The following ABCB4 variants were observed in gnomAD, a reference collection of about 807,000 sequenced individuals.
ABCB4 encodes ATP binding cassette subfamily B member 4, also known as phosphatidylcholine translocator ABCB4.
Under a neutral mutation model 145.7 loss-of-function variants are expected in ABCB4, and 76 were observed. The ratio of observed to expected loss-of-function variants is 0.52; its 90% CI spans 0.43 to 0.63. The LOEUF (loss-of-function observed/expected upper bound fraction) is 0.63. ABCB4 is among the 30% of genes least tolerant of loss of function. ABCB4 has a pLI of 0.00. For synonymous variants in ABCB4, 517 were observed against 566.8 expected (o/e 0.91, Z 1.25); for missense variants, 1,234 against 1,553.1 (o/e 0.79, Z 3.45).
intron 1 of ABCB4, 64 bp from the exon 2 acceptor site, chr7:87,475,535 C>G: frequency 6.5e-7 from 1 of 1,532,404 alleles, no homozygotes; most frequent in Non-Finnish European, 9.0e-7. Context: ...GCACGAGTCG[C>G]GGGGCCCGGG....
At chr7:87,431,342 A>C in intron 15 of ABCB4, 62 bp downstream of exon 15, 4 of 1,601,948 alleles carry the variant, frequency 2.5e-6, no homozygotes, top group Non-Finnish European at 3.4e-6. Flanking sequence ...ATCATATTTT[A>C]ATATTTAAAG....
At chr7:87,443,512 A>G in intron 11 of ABCB4, 68 bp from the exon 12 acceptor site, 1 of 1,603,784 alleles carries the variant, frequency 6.2e-7, no homozygotes, top group Non-Finnish European at 8.5e-7. Context: ...AATTCGATTC[A>G]GTTTGAAATT....
At chr7:87,441,283 A>G (rs1465121551) in intron 12 of ABCB4, among the ~76,000 whole-genome samples, 1 of 152,232 alleles carries the variant, frequency 6.6e-6, no homozygotes, top group Non-Finnish European at 1.5e-5. Context: ...CATTGTCAAC[A>G]GGAATATATA....
At chr7:87,471,811 C>G (rs45502399) in intron 3 of ABCB4, among the ~76,000 whole-genome samples, 3,625 of 152,262 alleles carry the variant, frequency 0.024, 142 homozygotes, top group African/African-American at 0.083. Flanking sequence ...AACAGAAAAG[C>G]ACCGAAAACT....
intron 14 of ABCB4, among the ~76,000 whole-genome samples, chr7:87,435,413 G>A (rs1482304451): frequency 6.6e-6 from 1 of 152,162 alleles, no homozygotes; most frequent in Non-Finnish European, 1.5e-5. Flanking sequence ...CCTGTAACTT[G>A]TTTTGACAAA....
At chr7:87,462,370 C>A (rs1562998036) in intron 4 of ABCB4, among the ~76,000 whole-genome samples, 1 of 152,110 alleles carries the variant, frequency 6.6e-6, no homozygotes, top group Non-Finnish European at 1.5e-5. Flanking sequence ...GATCTACAAG[C>A]TAAACACAGC....
At chr7:87,452,624 C>T (rs917266617) in intron 6 of ABCB4, 21 of 369,566 alleles carry the variant, frequency 5.7e-5, no homozygotes. Flanking sequence ...TAAATTAATT[C>T]AATCATCTAT....
chr7:87,425,274 C>T (rs1030715982), intron 16 of ABCB4, among the ~76,000 whole-genome samples: 3 of 152,054 alleles, frequency 2.0e-5, no homozygotes, highest in Non-Finnish European at 2.9e-5. Context: ...CTTCAAGAGA[C>T]GTGCTCCTAT....
intron 23 of ABCB4, among the ~76,000 whole-genome samples, chr7:87,409,680 C>G (rs1306366616): frequency 2.0e-5 from 3 of 152,130 alleles, no homozygotes; most frequent in African/African-American, 7.2e-5. Context: ...TTTTTACTTT[C>G]AAGAAGAGGC....
the ABCB4 span, among the ~76,000 whole-genome samples, chr7:87,383,398 A>C: frequency 6.6e-6 from 1 of 152,162 alleles, no homozygotes; most frequent in African/African-American, 2.4e-5. Flanking sequence ...TCACTTAACA[A>C]AAAGTTATCC....
intron 3 of ABCB4, among the ~76,000 whole-genome samples, chr7:87,471,814 C>T (rs1268663301): frequency 2.0e-5 from 3 of 152,100 alleles, no homozygotes; most frequent in Non-Finnish European, 4.4e-5. Flanking sequence ...AGAAAAGCAC[C>T]GAAAACTGTT....
chr7:87,465,901 G>A (rs1341367958), intron 3 of ABCB4, among the ~76,000 whole-genome samples: 5 of 152,116 alleles, frequency 3.3e-5, no homozygotes, highest in Admixed American at 1.3e-4. Context: ...CCATCTGTAC[G>A]TCACCATCAT....
chr7:87,461,434 A>G (rs1284390321), intron 4 of ABCB4, among the ~76,000 whole-genome samples: 1 of 152,224 alleles, frequency 6.6e-6, no homozygotes, highest in Non-Finnish European at 1.5e-5. Flanking sequence ...CAGAAAGACC[A>G]GCAGTGTAAC....
the ABCB4 span, among the ~76,000 whole-genome samples, chr7:87,394,030 A>C: frequency 6.6e-6 from 1 of 152,206 alleles, no homozygotes; most frequent in Non-Finnish European, 1.5e-5. Flanking sequence ...CAAATCTACT[A>C]TACAAAGTTG....
chr7:87,405,334 G>A (rs1808105417), intron 26 of ABCB4, among the ~76,000 whole-genome samples: 1 of 151,802 alleles, frequency 6.6e-6, no homozygotes. Context: ...GTTTGCCAGA[G>A]TTTGAGAGGA....
intron 7 of ABCB4, 99 bp downstream of exon 7, chr7:87,451,524 T>G: frequency 1.5e-6 from 2 of 1,309,140 alleles, no homozygotes; most frequent in Non-Finnish European, 2.2e-6. Flanking sequence ...AACTGACATT[T>G]AATGTAGACC....
At chr7:87,443,481 A>C (rs750783378) in intron 11 of ABCB4, 37 bp from the exon 12 acceptor site, 3 of 1,613,600 alleles carry the variant, frequency 1.9e-6, no homozygotes, top group Non-Finnish European at 2.5e-6. Context: ...ACACTTCACA[A>C]CAAAGCCCTA....
intron 15 of ABCB4, among the ~76,000 whole-genome samples, chr7:87,427,912 T>G (rs1440956087): frequency 6.6e-6 from 1 of 152,122 alleles, no homozygotes; most frequent in Admixed American, 6.5e-5. Context: ...AAAACCAACC[T>G]AGGCTGCAGA....
At chr7:87,429,198 C>G (rs761038585) in intron 15 of ABCB4, among the ~76,000 whole-genome samples, 13 of 152,116 alleles carry the variant, frequency 8.5e-5, no homozygotes, top group Non-Finnish European at 1.5e-4. Context: ...GGGCAAAACT[C>G]AAATCAGAAA....
Sources: gnomAD v4.1 joint callset for allele counts (sites outside exome capture counted in the v4.1 genomes callset) on GRCh38, gnomAD v4.1.1 for gene constraint, MANE v1.5 for transcripts, NCBI Gene and HGNC (gene_info 2026-07-23, HGNC 2026-07-21) for gene names.